CLUL1: variants seen among roughly 807,000 people sequenced by gnomAD.
The protein encoded by CLUL1 is clusterin like 1, also known as clusterin-like protein 1.
CLUL1 carries 43 observed loss-of-function variants against 49.4 expected under a neutral mutation model. The observed-to-expected ratio is 0.87, with a 90% CI of 0.68 to 1.12. CLUL1 has a LOEUF of 1.12. CLUL1 is among the 50% of genes most tolerant of loss of function. CLUL1 has a pLI of 0.00. For missense variants in CLUL1, 486 were observed against 544.4 expected (o/e 0.89, Z 1.07); for synonymous variants, 192 against 184.9 (o/e 1.04, Z -0.31).
chr18:626,671 C>A (rs2073710552), intron 5 of CLUL1, among the ~76,000 whole-genome samples: 1 of 150,300 alleles, frequency 6.7e-6, no homozygotes, highest in African/African-American at 2.4e-5. Flanking sequence ...CCAGCCTGGG[C>A]AACACGGTAA....
chr18:621,870 T>G, intron 4 of CLUL1, among the ~76,000 whole-genome samples: 1 of 152,190 alleles, frequency 6.6e-6, no homozygotes, highest in Non-Finnish European at 1.5e-5. Context: ...TTAACAAGAA[T>G]ATTCCACTTT....
chr18:610,325 G>A (rs957595769), intron 2 of CLUL1, among the ~76,000 whole-genome samples: 16 of 152,082 alleles, frequency 1.1e-4, no homozygotes, highest in African/African-American at 2.4e-4. Context: ...TATAATGCAC[G>A]GGCCCAGATG....
intron 1 of CLUL1, among the ~76,000 whole-genome samples, chr18:600,285 G>T (rs1567952454): frequency 6.6e-6 from 1 of 152,108 alleles, no homozygotes; most frequent in Non-Finnish European, 1.5e-5. Flanking sequence ...ACATAAATCA[G>T]TCTCTGTATG....
intron 1 of CLUL1, among the ~76,000 whole-genome samples, chr18:605,348 C>T (rs1256264149): frequency 6.6e-6 from 1 of 152,136 alleles, no homozygotes; most frequent in African/African-American, 2.4e-5. Flanking sequence ...GAAAATGAGG[C>T]AGGGTGTGGT....
At chr18:630,789 C>T (rs999109356) in intron 6 of CLUL1, among the ~76,000 whole-genome samples, 26 of 141,056 alleles carry the variant, frequency 1.8e-4, no homozygotes, top group Non-Finnish European at 3.2e-4. Flanking sequence ...TAGGTTCAAG[C>T]GATTCTCCTG....
intron 2 of CLUL1, chr18:613,123 A>C (rs2073188477): frequency 2.6e-6 from 1 of 379,068 alleles, no homozygotes; most frequent in African/African-American, 2.5e-5. Context: ...ATGTTATATG[A>C]AACTAAAACA....
rs114130661 is a variant in CLUL1 at position 610,774 on chromosome 18, C to T, written c.-14+3675C>T. ...ATCCAAGGCTGGGGGAGGTGGCTCA[C>T]GCCTGTAATCCCCACACCTTGAGAG... On this transcript the variant is annotated intron_variant, in intron 2 of 9. Transcript: ENST00000692774. Among the ~76,000 whole-genome samples the T allele has an allele frequency of 4.8e-3, 725 of 152,236 alleles. 8 individuals are homozygous for T. Among genetic ancestry groups the T allele is most frequent in the African/African-American group, 0.017 (689 of 41,554 alleles).
chr18:614,328 A>AAGGG (rs1555631518), intron 2 of CLUL1, among the ~76,000 whole-genome samples: 11 of 69,218 alleles, frequency 1.6e-4, no homozygotes, highest in African/African-American at 3.0e-4. Flanking sequence ...GGAGGGAAGG[A>AAGGG]AGGGAGGGAA....
At position 618,963 on chromosome 18, in the gene CLUL1, C is replaced by T. The variant is rs1012384663; in HGVS notation, c.107-250C>T. 6.6e-5 allele frequency among the ~76,000 whole-genome samples: 10 copies of T among 151,972 alleles called. No homozygotes were observed. Among genetic ancestry groups the T allele is most frequent in the Admixed American group, 6.6e-5 (1 of 15,246 alleles). On this transcript the variant is annotated intron_variant, in intron 3 of 9. Transcript: ENST00000692774. This position sits in a 1 kb window ranked among gnomAD's most constrained non-coding sequence, Gnocchi z 4.2. ...TGGATAAATGAAAACAGGGCCTGAGCAAGATGACAAGAATGAGGTTCAGTG... is the reference window on the plus strand; with the variant it reads ...TGGATAAATGAAAACAGGGCCTGAGTAAGATGACAAGAATGAGGTTCAGTG...
chr18:626,014 T>C (rs896148336), intron 5 of CLUL1, among the ~76,000 whole-genome samples: 16 of 152,226 alleles, frequency 1.1e-4, no homozygotes, highest in Admixed American at 4.6e-4. Context: ...TGTGATCTTA[T>C]GAACATTTCT....
At chr18:616,356 T>C (rs1402213319) in intron 2 of CLUL1, among the ~76,000 whole-genome samples, 3 of 152,214 alleles carry the variant, frequency 2.0e-5, no homozygotes, top group African/African-American at 7.2e-5. Flanking sequence ...TCGAACTGTT[T>C]TATCTAAGAG....
intron 7 of CLUL1, among the ~76,000 whole-genome samples, chr18:636,329 G>A (rs2074134462): frequency 6.6e-6 from 1 of 152,068 alleles, no homozygotes; most frequent in African/African-American, 2.4e-5. Flanking sequence ...AAAATTATTA[G>A]ACGTCTTTAA....
chr18:638,479 G>A (rs905550772), intron 7 of CLUL1, among the ~76,000 whole-genome samples: 2 of 152,130 alleles, frequency 1.3e-5, no homozygotes, highest in Non-Finnish European at 2.9e-5. Context: ...GTGTTGCAAA[G>A]GTAAAATGTA....
intron 9 of CLUL1, 56 bp from the exon 10 acceptor site, chr18:649,819 ACTCCAAGAAAAAATACACTGAGT>A (rs1287365034): frequency 8.2e-6 from 8 of 974,988 alleles, no homozygotes; most frequent in Middle Eastern, 2.1e-4. Context: ...CTGGACTTTT[ACTCCAAGAAAAAATACACTGAGT>A]CTGTGAGTAA....
At chr18:626,266 C>G (rs577725596) in intron 5 of CLUL1, among the ~76,000 whole-genome samples, 3 of 152,106 alleles carry the variant, frequency 2.0e-5, no homozygotes, top group Non-Finnish European at 4.4e-5. Context: ...GCGCCCACCA[C>G]CACGCCTAGC....
At chr18:649,729 T>C (rs572815785) in intron 9 of CLUL1, 169 bp from the exon 10 acceptor site, 2 of 544,654 alleles carry the variant, frequency 3.7e-6, no homozygotes, top group South Asian at 2.7e-5. Flanking sequence ...AGAATATCCA[T>C]GCATATGGGT....
At chr18:629,482 A>G (rs1404233907) in intron 6 of CLUL1, among the ~76,000 whole-genome samples, 5 of 152,126 alleles carry the variant, frequency 3.3e-5, no homozygotes, top group Admixed American at 2.0e-4. Context: ...ACATGCCACA[A>G]TCTAGATAAT....
intron 6 of CLUL1, among the ~76,000 whole-genome samples, chr18:629,432 T>C (rs1321467490): frequency 6.6e-6 from 1 of 152,220 alleles, no homozygotes; most frequent in Non-Finnish European, 1.5e-5. Context: ...CAAGCATTGG[T>C]TACATTCCCA....
intron 5 of CLUL1, 46 bp from the exon 6 acceptor site, chr18:627,051 G>C (rs543026383): frequency 1.9e-6 from 2 of 1,065,460 alleles, no homozygotes; most frequent in African/African-American, 3.2e-5. Context: ...AGTCGAGAAA[G>C]AAAATAATTT....
Sources: gnomAD v4.1 joint callset for allele counts (sites outside exome capture counted in the v4.1 genomes callset) on GRCh38, gnomAD v4.1.1 for gene constraint, Gnocchi (gnomAD v3.1) non-coding constraint, MANE v1.5 for transcripts, NCBI Gene and HGNC (gene_info 2026-07-23, HGNC 2026-07-21) for gene names.